Variants in ADGRE5 observed in about 807,000 individuals in gnomAD.
The protein encoded by ADGRE5 is adhesion G protein-coupled receptor E5, also known as CD97 molecule.
In ADGRE5, 72 loss-of-function variants were observed where a neutral mutation model predicts 100.3. The ratio of observed to expected loss-of-function variants is 0.72; its 90% CI spans 0.59 to 0.87. ADGRE5 has a LOEUF of 0.87. Ranked by LOEUF, ADGRE5 falls within the 40% of genes least tolerant of loss-of-function variation. The pLI, the probability that ADGRE5 is intolerant of heterozygous loss-of-function variation, is 0.00. For missense variants in ADGRE5, 959 were observed against 1,094.7 expected, an observed-to-expected ratio of 0.88 and a Z score of 1.75; for synonymous variants, 439 against 447.8, an observed-to-expected ratio of 0.98 and a Z score of 0.25.
intron 1 of ADGRE5, among the ~76,000 whole-genome samples, chr19:14,384,657 T>G (rs1445025373): frequency 7.8e-6 from 1 of 128,866 alleles, no homozygotes; most frequent in Non-Finnish European, 1.6e-5. Context: ...CCATCCACCC[T>G]CCTTTCTCAT....
intron 9 of ADGRE5, among the ~76,000 whole-genome samples, chr19:14,399,603 C>G (rs10426442): frequency 1.5e-5 from 2 of 136,210 alleles, no homozygotes; most frequent in African/African-American, 5.3e-5. Context: ...AATTAGCTGG[C>G]GTGGTGGTGC....
At chr19:14,398,397 CGGT>C in intron 9 of ADGRE5, 1 of 459,820 alleles carries the variant, frequency 2.2e-6, no homozygotes, top group Non-Finnish European at 4.0e-6. Flanking sequence ...AGGCCGGGCA[CGGT>C]GGCTCACGCC....
In ADGRE5 at chr19:14,404,392, C is replaced by T. The variant is rs368591354; in HGVS notation, c.1459C>T (p.Pro487Ser). 93 of 1,609,058 alleles carry T rather than the reference C, an allele frequency of 5.8e-5. No individual in the cohort carries two copies. Among genetic ancestry groups the T allele is most frequent in the Non-Finnish European group, 7.6e-5 (89 of 1,178,700 alleles). Residue 487 changes from proline to serine, a missense_variant, in exon 13 of 20, where the codon CCT (proline) becomes TCT (serine). Transcript: ENST00000242786. ...CCCCATCTGCCCACAGGACGTGATG[C>T]CTGGGCCACGGCAGGAGCTGCTCTG... is the stretch of plus-strand genomic sequence containing the variant. ...GRDPPAKDVMPGPRQELLCAF... is the reference protein window; with the variant it reads ...GRDPPAKDVMSGPRQELLCAF...
chr19:14,407,153 T>C lies in ADGRE5; in HGVS notation c.2300T>C (p.Leu767Pro), dbSNP rs1228348100. The C allele has an allele frequency of 1.9e-6, 3 of 1,614,054 alleles. No homozygotes were observed. Among genetic ancestry groups the C allele is most frequent in the African/African-American group, 1.3e-5 (1 of 74,940 alleles). ...ATCTTCGACGATCGGAGCTTGGTGC[T>C]GACCTATGTGTTTACCATCCTCAAC... is the stretch of plus-strand genomic sequence containing the variant. ...LFIFDDRSLV[L>P]TYVFTILNCL... is the part of the protein sequence containing the mutation. Residue 767 changes from leucine (L) to proline (P), a missense_variant, in exon 18 of 20, where the codon CTG becomes CCG. Leu to Pro is a moderately conservative substitution (Grantham distance 98, BLOSUM62 -3). Coordinates refer to ENST00000242786, the MANE Select transcript of ADGRE5 (RefSeq NM_078481.4).
At chr19:14,388,977 C>T (rs1300212648) in intron 3 of ADGRE5, among the ~76,000 whole-genome samples, 159 bp downstream of exon 3, 1 of 150,972 alleles carries the variant, frequency 6.6e-6, no homozygotes, top group Non-Finnish European at 1.5e-5. Flanking sequence ...TGGCTCACGC[C>T]TGTAATCCCA....
intron 1 of ADGRE5, among the ~76,000 whole-genome samples, chr19:14,382,902 G>C (rs1975211663): frequency 6.6e-6 from 1 of 151,760 alleles, no homozygotes. Flanking sequence ...TTTAGTTTTT[G>C]TGTTTGTATT....
Position 14,406,959 on chromosome 19 carries a change from A to T in ADGRE5, c.2206A>T (p.Arg736Trp). Residue 736 changes from arginine (R) to tryptophan (W), a missense_variant and splice_region_variant, in exon 17 of 20, where the codon AGG becomes TGG. Around this residue, in one of 6 missense-constraint regions of ADGRE5, gnomAD observed 428 missense variants for 386.2 expected, o/e 1.11. Transcript: ENST00000242786. The surrounding 1 kb of genome is among the most constrained non-coding windows in gnomAD (Gnocchi z 6.0). ...NPDMKKLKKA[R>W]ALTITAIAQL... The stretch of plus-strand genomic sequence containing the variant: ...AGACATGAAGAAATTAAAGAAGGCG[A>T]GGTGAGAGGAGAGGCTGGAAGGACT... 6.2e-7 allele frequency: 1 copy of T among 1,613,986 alleles called. No individual in the cohort carries two copies. Among genetic ancestry groups the T allele is most frequent in the Non-Finnish European group, 8.5e-7 (1 of 1,179,884 alleles).
At chr19:14,389,643 G>A (rs1370255326) in intron 3 of ADGRE5, among the ~76,000 whole-genome samples, 2 of 151,832 alleles carry the variant, frequency 1.3e-5, no homozygotes, top group East Asian at 3.9e-4. Flanking sequence ...GGCTGAGGCA[G>A]GAGAATCGCT....
At chr19:14,388,927 A>G (rs1975459577) in intron 3 of ADGRE5, 109 bp downstream of exon 3, 1 of 1,035,480 alleles carries the variant, frequency 9.7e-7, no homozygotes, top group Non-Finnish European at 1.5e-6. Flanking sequence ...CTTCCAGACT[A>G]TCATCATGGC....
chr19:14,401,707 G>A lies in ADGRE5; in HGVS notation c.1130G>A (p.Ser377Asn). 2 of 1,584,464 alleles carry A rather than the reference G, an allele frequency of 1.3e-6. No homozygotes were observed. Among genetic ancestry groups the A allele is most frequent in the Admixed American group, 1.8e-5 (1 of 55,200 alleles). ...GACAAGAACGTCACTATGGGTCAGA[G>A]CAGCGCACGCATGAAGCTGAATTGG... ...RGDKNVTMGQSSARMKLNWAV... is the reference protein window; with the variant it reads ...RGDKNVTMGQNSARMKLNWAV... The change falls in exon 11 of 20, where the codon AGC (serine) becomes AAC (asparagine). Residue 377 changes from serine to asparagine, a missense_variant. Around this residue, in one of 6 missense-constraint regions of ADGRE5, gnomAD observed 246 missense variants for 242.2 expected, o/e 1.02. Coordinates refer to ENST00000242786, the MANE Select transcript of ADGRE5 (RefSeq NM_078481.4). The surrounding 1 kb of genome is among the most constrained non-coding windows in gnomAD (Gnocchi z 4.1).
At position 14,397,700 on chromosome 19, in the gene ADGRE5, C is replaced by T. The variant is rs1975834335; in HGVS notation, c.668C>T (p.Ser223Phe). 2.0e-6 allele frequency: 3 copies of T among 1,526,098 alleles called. No homozygotes were observed. Among genetic ancestry groups the T allele is most frequent in the Admixed American group, 1.7e-5 (1 of 57,720 alleles). The allele number at this position is 1,526,098 out of a possible 1,614,324, so 94.5% of individuals were successfully genotyped here. A position where few individuals can be genotyped will look rare whatever the true frequency, so the allele number is the denominator to read the frequency against. The stretch of plus-strand genomic sequence containing the variant: ...TCCGGGCAGCATCAGTGTGACAGCT[C>T]CACCGTCTGCTTCAACACCGTGGGT... ...CSSGQHQCDS[S>F]TVCFNTVGSY... Residue 223 changes from serine (S) to phenylalanine (F), a missense_variant, in exon 7 of 20, where the codon TCC becomes TTC. Ser to Phe is a radical substitution (Grantham distance 155). This residue lies in a region of ADGRE5 where 69 missense variants were observed against 135.0 expected (regional missense o/e 0.51). Coordinates refer to ENST00000242786, the MANE Select transcript of ADGRE5 (RefSeq NM_078481.4).
Position 14,407,106 on chromosome 19 carries a change from C to T in ADGRE5, c.2253C>T (p.Cys751=). ...TAIAQLFLLG[C]TWVFGLFIFD... ...TCGCGCAGCTCTTCCTGTTGGGCTG[C>T]ACCTGGGTCTTTGGCCTGTTCATCT... Residue 751 remains cysteine, a synonymous_variant, in exon 18 of 20, where the codon TGC becomes TGT. Transcript: ENST00000242786. The T allele has an allele frequency of 6.2e-7, 1 of 1,614,166 alleles. No individual in the cohort carries two copies. Among genetic ancestry groups the T allele is most frequent in the Non-Finnish European group, 8.5e-7 (1 of 1,180,046 alleles).
chr19:14,381,450 G>A lies in ADGRE5; in HGVS notation c.-74G>A. ...TGGCCTCGGGACAGCCTGCACAGCT[G>A]CCTAGCCTGTGGAGACGGGACAGCC... is the stretch of plus-strand genomic sequence containing the variant. On this transcript the variant is annotated 5_prime_UTR_variant, in exon 1 of 20. Transcript: ENST00000242786. 1 of 1,600,706 alleles carries A rather than the reference G, an allele frequency of 6.2e-7. No homozygotes were observed. Among genetic ancestry groups the A allele is most frequent in the Admixed American group, 1.7e-5 (1 of 57,254 alleles).
chr19:14,388,040 C>T (rs1253708068), intron 1 of ADGRE5, among the ~76,000 whole-genome samples: 1 of 151,900 alleles, frequency 6.6e-6, no homozygotes, highest in Non-Finnish European at 1.5e-5. Flanking sequence ...CACAGCATTG[C>T]ACTTCAGCCT....
chr19:14,404,341 A>T, intron 12 of ADGRE5, 42 bp from the exon 13 acceptor site: 1 of 1,574,710 alleles, frequency 6.4e-7, no homozygotes, highest in Non-Finnish European at 8.6e-7. Flanking sequence ...CCTAAGAGTG[A>T]GCTCCAGGCC....
intron 3 of ADGRE5, 147 bp from the exon 4 acceptor site, chr19:14,390,777 C>T (rs1442626210): frequency 3.3e-6 from 3 of 914,636 alleles, no homozygotes; most frequent in Non-Finnish European, 4.9e-6. Flanking sequence ...CTTGCTCCAG[C>T]TGCAGCATAG....
chr19:14,389,445 GAGAT>G (rs1975514353), intron 3 of ADGRE5, among the ~76,000 whole-genome samples: 1 of 144,566 alleles, frequency 6.9e-6, no homozygotes, highest in South Asian at 2.2e-4. Context: ...GGGAGGGAGA[GAGAT>G]AGGCCCGGCA....
At chr19:14,386,635 A>G (rs1975363289) in intron 1 of ADGRE5, among the ~76,000 whole-genome samples, 1 of 147,180 alleles carries the variant, frequency 6.8e-6, no homozygotes, top group African/African-American at 2.5e-5. Context: ...CGGAGCTTGC[A>G]GTGAGCCAAG....
intron 1 of ADGRE5, among the ~76,000 whole-genome samples, chr19:14,383,372 G>A (rs1390550610): frequency 1.3e-5 from 2 of 151,896 alleles, no homozygotes; most frequent in East Asian, 1.9e-4. Context: ...GGGTGTGGTG[G>A]CGGGCGCCTG....
Sources: allele counts gnomAD v4.1 joint callset (sites outside exome capture counted in the v4.1 genomes callset), GRCh38; gene constraint gnomAD v4.1.1; regional missense constraint gnomAD v4.1.1; non-coding constraint Gnocchi (gnomAD v3.1); transcripts MANE v1.5; gene names NCBI Gene and HGNC (gene_info 2026-07-23, HGNC 2026-07-21).